Variants in AMN observed in about 807,000 individuals in gnomAD.
The protein encoded by AMN is amnion associated transmembrane protein, also known as protein amnionless.
AMN carries 40 observed loss-of-function variants against 49.1 expected under a neutral mutation model. The ratio of observed to expected loss-of-function variants is 0.81; its 90% confidence interval spans 0.63 to 1.06. The LOEUF (loss-of-function observed/expected upper bound fraction) is 1.06. Ranked by LOEUF, AMN falls within the 50% of genes least tolerant of loss-of-function variation. The pLI, the probability that AMN is intolerant of heterozygous loss-of-function variation, is 0.00. For missense variants in AMN, 701 were observed against 662.8 expected (o/e 1.06, Z -0.63); for synonymous variants, 380 against 313.3 (o/e 1.21, Z -2.25).
At chr14:102,927,466 C>A (rs1267350706) in intron 3 of AMN, among the ~76,000 whole-genome samples, 1 of 152,244 alleles carries the variant, frequency 6.6e-6, no homozygotes, top group African/African-American at 2.4e-5. Flanking sequence ...CATTCCGTCC[C>A]CACGGCTCCA....
chr14:102,923,898 T>C (rs1595430557), intron 2 of AMN, 37 bp from the exon 3 acceptor site: 5 of 1,612,554 alleles, frequency 3.1e-6, no homozygotes, highest in Non-Finnish European at 4.2e-6. Flanking sequence ...CCGGTGGGGG[T>C]TGCTCCCGGC....
intron 3 of AMN, among the ~76,000 whole-genome samples, 156 bp downstream of exon 3, chr14:102,924,135 TG>T (rs993798264): frequency 3.3e-5 from 5 of 151,630 alleles, no homozygotes; most frequent in African/African-American, 7.3e-5. Context: ...AGGCAGGGAG[TG>T]GGGGGGAACC....
chr14:102,924,347 AC>A (rs35713989), intron 3 of AMN, among the ~76,000 whole-genome samples: 83,543 of 148,930 alleles, frequency 0.56, 23,862 homozygotes, highest in African/African-American at 0.71. Flanking sequence ...TGTCCCCAAC[AC>A]CCCCCCCTCT....
At chr14:102,927,705 CCT>C (rs1398841491) in intron 3 of AMN, among the ~76,000 whole-genome samples, 3 of 152,090 alleles carry the variant, frequency 2.0e-5, no homozygotes, top group Non-Finnish European at 4.4e-5. Context: ...ACCCTCAGCC[CCT>C]GAGGGAGAAG....
chr14:102,928,548 G>A (rs765474285), intron 4 of AMN, 35 bp downstream of exon 4: 3 of 1,581,532 alleles, frequency 1.9e-6, no homozygotes, highest in African/African-American at 2.7e-5. Context: ...GCTCTGGAAA[G>A]GCATGTTCAG....
chr14:102,927,375 T>C (rs1305682403), intron 3 of AMN, among the ~76,000 whole-genome samples: 1 of 152,222 alleles, frequency 6.6e-6, no homozygotes. Flanking sequence ...TTTTTCCCCT[T>C]CGTTCTTTAA....
chr14:102,928,701 T>TGGCGTGGTGTGGCGC, intron 4 of AMN, 57 bp from the exon 5 acceptor site: 1 of 1,563,774 alleles, frequency 6.4e-7, no homozygotes, highest in East Asian at 2.3e-5. Context: ...TGGCGTGGCG[T>TGGCGTGGTGTGGCGC]GGCGTGGTGT....
chr14:102,928,676 C>G, intron 4 of AMN, 82 bp from the exon 5 acceptor site: 1 of 1,529,672 alleles, frequency 6.5e-7, no homozygotes, highest in East Asian at 2.4e-5. Flanking sequence ...GGAGGTCGTG[C>G]TCAGACGCGT....
chr14:102,928,258 C>T (rs1891231712), intron 3 of AMN, among the ~76,000 whole-genome samples, 168 bp from the exon 4 acceptor site: 1 of 152,248 alleles, frequency 6.6e-6, no homozygotes, highest in African/African-American at 2.4e-5. Context: ...AGGCCAGATC[C>T]GCTTCCTCTG....
rs1215795347 is a variant in AMN, at chr14:102,930,194, A to G, written c.1036A>G (p.Met346Val). Residue 346 changes from methionine (M) to valine (V), a missense_variant, in exon 10 of 12, where the codon ATG becomes GTG. Coordinates refer to ENST00000299155, the MANE Select transcript of AMN (RefSeq NM_030943.4). ...GGCCCTCGGCGTCCTGGAGGCGACC[A>G]TGCGGGAGTCGGGCGCACACGTCTG... The part of the protein sequence containing the change: ...GEALGVLEAT[M>V]RESGAHVWGS... The G allele has an allele frequency of 2.0e-6, 3 of 1,477,766 alleles. No individual in the cohort carries two copies. The highest frequency in any genetic ancestry group is 2.7e-6 in the Non-Finnish European group (3 of 1,121,060). 91.5% of individuals were successfully genotyped at this position (1,477,766 alleles called of 1,614,324 possible).
Position 102,930,784 on chromosome 14 carries a change from T to C in AMN, c.*104T>C. 6 of 1,270,430 alleles carry C rather than the reference T, an allele frequency of 4.7e-6. No homozygotes were observed. The highest frequency in any genetic ancestry group is 6.6e-6 in the Non-Finnish European group (6 of 905,258). 78.7% of individuals were successfully genotyped at this position (1,270,430 alleles called of 1,614,324 possible). On this transcript the variant is annotated 3_prime_UTR_variant, in exon 12 of 12. Coordinates refer to ENST00000299155, the MANE Select transcript of AMN (RefSeq NM_030943.4). ...CCAGCCCCCAAACCTCCCCTTCCTT[T>C]CCCCCTCCTCCGGGGGCCAAGGACA...
chr14:102,930,596 C>T lies in AMN; in HGVS notation c.1278C>T (p.Ser426=), dbSNP rs781375346. 19 of 1,587,022 alleles carry T rather than the reference C, an allele frequency of 1.2e-5. No homozygotes were observed. The highest frequency in any genetic ancestry group is 1.7e-4 in the Middle Eastern group (1 of 5,822). Reference sequence around the variant, plus strand: ...CGCAGCCCCTGCCGCGGCGGCTCAGCCTGGTTCCGAAGGCGGCCGCAGACA... The same window carrying T: ...CGCAGCCCCTGCCGCGGCGGCTCAGTCTGGTTCCGAAGGCGGCCGCAGACA... The part of the protein sequence containing the change: ...SEELPLPRRL[S]LVPKAAADST... Residue 426 remains serine (S), a synonymous_variant, in exon 12 of 12, where the codon AGC becomes AGT. Coordinates refer to ENST00000299155, the MANE Select transcript of AMN (RefSeq NM_030943.4).
In AMN at chr14:102,930,077, G is replaced by A. The variant is rs1321842157; in HGVS notation, c.997G>A (p.Ala333Thr). 1 of 1,540,498 alleles carries A rather than the reference G, an allele frequency of 6.5e-7. No homozygotes were observed. Among genetic ancestry groups the A allele is most frequent in the Non-Finnish European group, 8.7e-7 (1 of 1,144,922 alleles). The change falls in exon 9 of 12, where the codon GCC (alanine) becomes ACC (threonine). Residue 333 changes from alanine (A) to threonine (T), a missense_variant. Coordinates refer to ENST00000299155, the MANE Select transcript of AMN (RefSeq NM_030943.4). ...GGCCCGGGCCCTCCTGGCGGACGTCGCCGAGAACGGTAACCGCGCCCGCCC... is the reference window on the plus strand; with the variant it reads ...GGCCCGGGCCCTCCTGGCGGACGTCACCGAGAACGGTAACCGCGCCCGCCC... Reference protein sequence around the residue: ...RLARALLADVAENGEALGVLE... With the variant: ...RLARALLADVTENGEALGVLE...
At position 102,923,939 on chromosome 14, in the gene AMN, T is replaced by A; in HGVS notation, c.167T>A (p.Val56Glu). ...GAVEFPADKM[V>E]SVLVQEGHAV... is the part of the protein sequence containing the mutation. ...TGAGGCAGCTTCTTCCTGCAGATGG[T>A]GTCAGTCCTGGTGCAAGAAGGTCAC... is the stretch of plus-strand genomic sequence containing the variant. The change falls in exon 3 of 12, where the codon GTG becomes GAG. Residue 56 changes from valine to glutamate, a missense_variant. By Grantham distance (121) the Val-to-Glu change is moderately radical. Transcript: ENST00000299155. 6.2e-7 allele frequency: 1 copy of A among 1,613,160 alleles called. No individual in the cohort carries two copies. The highest frequency in any genetic ancestry group is 1.1e-5 in the South Asian group (1 of 91,084).
chr14:102,929,725 C>T lies in AMN; in HGVS notation c.831C>T (p.Thr277=), dbSNP rs1232707273. The part of the protein sequence containing the change: ...LERYRARILD[T]FLGLPQYHGL... ...GGTACCGGGCGCGGATACTGGACAC[C>T]TTCCTGGGTCTGGTAATGGGGCCGC... is the stretch of plus-strand genomic sequence containing the variant. Residue 277 remains threonine, a synonymous_variant, in exon 8 of 12, where the codon ACC becomes ACT. Coordinates refer to ENST00000299155, the MANE Select transcript of AMN (RefSeq NM_030943.4). 4 of 1,550,474 alleles carry T rather than the reference C, an allele frequency of 2.6e-6. No individual in the cohort carries two copies. The highest frequency in any genetic ancestry group is 1.4e-5 in the African/African-American group (1 of 73,086).
chr14:102,929,653 A>T lies in AMN; in HGVS notation c.761-2A>T. The T allele has an allele frequency of 1.3e-6, 2 of 1,549,208 alleles. No homozygotes were observed. Among genetic ancestry groups the T allele is most frequent in the Non-Finnish European group, 1.7e-6 (2 of 1,146,914 alleles). On this transcript the variant is annotated splice_acceptor_variant, in intron 7 of 11. Transcript: ENST00000299155. LOFTEE classifies it high-confidence loss of function. ...GCGCTGACCCCTGCCCTCCCGCCGCAGGAGCCGTTGTGTTGCTGACCCACG... is the reference window on the plus strand; with the variant it reads ...GCGCTGACCCCTGCCCTCCCGCCGCTGGAGCCGTTGTGTTGCTGACCCACG...
At chr14:102,928,100 C>G (rs1216335529) in intron 3 of AMN, among the ~76,000 whole-genome samples, 2 of 152,162 alleles carry the variant, frequency 1.3e-5, no homozygotes, top group Admixed American at 6.5e-5. Context: ...CAGGCCCTGG[C>G]CAGAGTCACC....
chr14:102,929,448 G>T lies in AMN; in HGVS notation c.672G>T (p.Ala224=), dbSNP rs1403311766. ...GNAEAQPWIC[A]ALLQPLGGRC... is the part of the protein sequence containing the mutation. ...ACCAGGCGCAGCCGTGGATCTGCGC[G>T]GCCCTGCTCCAGCCCCTGGGCGGCC... The change falls in exon 7 of 12, where the codon GCG becomes GCT. Residue 224 remains alanine (A), a synonymous_variant. Transcript: ENST00000299155. 2.0e-6 allele frequency: 3 copies of T among 1,531,110 alleles called. No individual in the cohort carries two copies. The South Asian group carries it at 3.6e-5, about 18-fold the overall frequency. The allele number at this position is 1,531,110 out of a possible 1,614,324, so 94.8% of individuals were successfully genotyped here. A position where few individuals can be genotyped will look rare whatever the true frequency, so the allele number is the denominator to read the frequency against.
At chr14:102,928,218 G>A (rs1296348997) in intron 3 of AMN, among the ~76,000 whole-genome samples, 1 of 152,234 alleles carries the variant, frequency 6.6e-6, no homozygotes, top group East Asian at 1.9e-4. Flanking sequence ...GCCCGCTTCG[G>A]GGCCTTGCCC....
Sources: gnomAD v4.1 joint callset for allele counts (sites outside exome capture counted in the v4.1 genomes callset) on GRCh38, gnomAD v4.1.1 for gene constraint, MANE v1.5 for transcripts, NCBI Gene and HGNC (gene_info 2026-07-23, HGNC 2026-07-21) for gene names.